The following SLX4 variants were observed in gnomAD, a reference collection of about 807,000 sequenced individuals.
SLX4 encodes the protein SLX4 structure-specific endonuclease subunit, also known as structure-specific endonuclease subunit SLX4.
SLX4 carries 112 observed loss-of-function variants against 146.2 expected under a neutral mutation model. The observed-to-expected ratio is 0.77, with a 90% CI of 0.66 to 0.90. The LOEUF (loss-of-function observed/expected upper bound fraction) is 0.90, where lower values mean the gene tolerates loss of function less well. Ranked by LOEUF, SLX4 falls within the 40% of genes least tolerant of loss-of-function variation. The pLI is 0.00. For missense variants in SLX4, 2,563 were observed against 2,392.7 expected (o/e 1.07, Z -1.49); for synonymous variants, 1,061 against 997.7 (o/e 1.06, Z -1.20).
intron 11 of SLX4, among the ~76,000 whole-genome samples, chr16:3,591,546 C>G (rs1250442735): frequency 6.6e-6 from 1 of 152,156 alleles, no homozygotes; most frequent in Non-Finnish European, 1.5e-5. Context: ...TAGCTGCAGA[C>G]ATAAAGGGGT....
Position 3,584,812 on chromosome 16 carries a change from A to T in SLX4, c.4696T>A (p.Tyr1566Asn). 1 of 1,614,152 alleles carries T rather than the reference A, an allele frequency of 6.2e-7. No individual in the cohort carries two copies. The highest frequency in any genetic ancestry group is 8.5e-7 in the Non-Finnish European group (1 of 1,179,980). ...AGCACCGGCGTCTCCATAATGGAAT[A>T]CTGTGGCATCGGCGTTATGGGCACT... is the stretch of plus-strand genomic sequence containing the variant. ...PKVPITPMPQ[Y>N]SIMETPVLKK... Residue 1566 changes from tyrosine to asparagine, a missense_variant, in exon 13 of 15, where the codon TAT becomes AAT. Tyr to Asn is a moderately radical substitution (Grantham distance 143). Transcript: ENST00000294008.
At position 3,589,845 on chromosome 16, in the gene SLX4, T is replaced by C; in HGVS notation, c.3793A>G (p.Arg1265Gly). 6.2e-7 allele frequency: 1 copy of C among 1,613,516 alleles called. No homozygotes were observed. Among genetic ancestry groups the C allele is most frequent in the Non-Finnish European group, 8.5e-7 (1 of 1,180,016 alleles). ...WLVPATPLAS[R>G]SRDCSSQTQI... is the part of the protein sequence containing the mutation. ...GTCTGGGAAGAACAGTCACGGCTTC[T>C]GCTGGCCAGCGGGGTGGCGGGCACC... The change falls in exon 12 of 15, where the codon AGA becomes GGA. Residue 1265 changes from arginine to glycine, a missense_variant. By Grantham distance (125) the Arg-to-Gly change is moderately radical. Transcript: ENST00000294008. This position sits in a 1 kb window ranked among gnomAD's most constrained non-coding sequence, Gnocchi z 6.2.
In SLX4 at chr16:3,582,082, G is replaced by T; in HGVS notation, c.*260C>A. The stretch of plus-strand genomic sequence containing the variant: ...AGAAAACCAAAAAGGGAGACACACT[G>T]TGAGCACGGACAGAGGAAGGGGCTG... On this transcript the variant is annotated 3_prime_UTR_variant, in exon 15 of 15. Coordinates refer to ENST00000294008, the MANE Select transcript of SLX4 (RefSeq NM_032444.4). 1.8e-6 allele frequency: 1 copy of T among 564,732 alleles called. No homozygotes were observed. The allele number at this position is 564,732 out of a possible 1,614,324, so 35.0% of individuals were successfully genotyped here.
Position 3,606,526 on chromosome 16 carries a change from C to G in SLX4, c.708G>C (p.Ala236=), listed in dbSNP as rs765742613. ...HASEECSLEA[A]REENVPKDPQ... Reference sequence around the variant, plus strand: ...GATCCTTTGGGACATTTTCTTCCCGCGCAGCCTCGAGGGAGCACTCTTCTG... The same window carrying G: ...GATCCTTTGGGACATTTTCTTCCCGGGCAGCCTCGAGGGAGCACTCTTCTG... Residue 236 remains alanine, a synonymous_variant, in exon 3 of 15, where the codon GCG becomes GCC. Coordinates refer to ENST00000294008, the MANE Select transcript of SLX4 (RefSeq NM_032444.4). 6.2e-7 allele frequency: 1 copy of G among 1,614,212 alleles called. No homozygotes were observed. The highest frequency in any genetic ancestry group is 1.7e-5 in the Admixed American group (1 of 60,022).
intron 12 of SLX4, among the ~76,000 whole-genome samples, chr16:3,588,706 C>T (rs1006840635): frequency 6.6e-6 from 1 of 152,144 alleles, no homozygotes; most frequent in Non-Finnish European, 1.5e-5. Flanking sequence ...TTGGAGGTGC[C>T]GGCTCCGTGT....
chr16:3,581,463 C>G lies in SLX4; in HGVS notation c.*879G>C, dbSNP rs1030929863. 1.3e-5 allele frequency: 2 copies of G among 152,954 alleles called. No homozygotes were observed. Among genetic ancestry groups the G allele is most frequent in the Non-Finnish European group, 2.9e-5 (2 of 68,296 alleles). 9.5% of individuals were successfully genotyped at this position (152,954 alleles called of 1,614,324 possible). ...AACAATGACAAGTGTCCGGGTAGCA[C>G]GGCTGGGTCAGGAGAACTGCATCTG... On this transcript the variant is annotated 3_prime_UTR_variant, in exon 15 of 15. Transcript: ENST00000294008.
chr16:3,588,437 A>G (rs2040533290), intron 12 of SLX4, among the ~76,000 whole-genome samples: 1 of 151,912 alleles, frequency 6.6e-6, no homozygotes, highest in South Asian at 2.1e-4. Flanking sequence ...ACACTATTCC[A>G]TTTTCTAGTG....
chr16:3,597,900 C>T lies in SLX4; in HGVS notation c.1263G>A (p.Leu421=). 6.2e-7 allele frequency: 1 copy of T among 1,614,158 alleles called. No homozygotes were observed. Among genetic ancestry groups the T allele is most frequent in the Non-Finnish European group, 8.5e-7 (1 of 1,180,042 alleles). ...ACCGGGACAGAGCCATGGCCACCAG[C>T]AGGTCCTCGGACGGTGCCTCGTCCA... The part of the protein sequence containing the change: ...RKVDEAPSED[L]LVAMALSRSE... The change falls in exon 6 of 15, where the codon CTG becomes CTA. Residue 421 remains leucine, a synonymous_variant. Transcript: ENST00000294008. The surrounding 1 kb of genome is among the most constrained non-coding windows in gnomAD (Gnocchi z 4.4).
Position 3,589,914 on chromosome 16 carries a change from C to T in SLX4, c.3724G>A (p.Glu1242Lys), listed in dbSNP as rs770687847. The change falls in exon 12 of 15, where the codon GAG becomes AAG. Residue 1242 changes from glutamate to lysine, a missense_variant. By Grantham distance (56) the Glu-to-Lys change is moderately conservative (BLOSUM62 1). Transcript: ENST00000294008. This position sits in a 1 kb window ranked among gnomAD's most constrained non-coding sequence, Gnocchi z 6.2. ...GTGCTGGCCTCGCTGGGGCTGCTCTCACGGTCACAGAACAGCCAGGGAGCC... is the reference window on the plus strand; with the variant it reads ...GTGCTGGCCTCGCTGGGGCTGCTCTTACGGTCACAGAACAGCCAGGGAGCC... ...RGAPWLFCDR[E>K]SSPSEASTTD... 1.9e-6 allele frequency: 3 copies of T among 1,613,818 alleles called. No homozygotes were observed. The African/African-American group carries it at 4.0e-5, about 22-fold the overall frequency.
rs886051987 is a variant in SLX4 at position 3,611,552 on chromosome 16, C to T, written c.-603+8G>A. On this transcript the variant is annotated splice_region_variant and intron_variant, in intron 1 of 14. Coordinates refer to ENST00000294008, the MANE Select transcript of SLX4 (RefSeq NM_032444.4). ...CGACTCCCAGCCCCACAGCCCGGCT[C>T]CTCCTACCTCCGGCGCCGCCGCGGC... The T allele has an allele frequency of 1.3e-5, 2 of 152,570 alleles. No homozygotes were observed. Among genetic ancestry groups the T allele is most frequent in the Non-Finnish European group, 2.9e-5 (2 of 68,342 alleles). The allele number at this position is 152,570 out of a possible 1,614,324, so 9.5% of individuals were successfully genotyped here. A position where few individuals can be genotyped will look rare whatever the true frequency, so the allele number is the denominator to read the frequency against.
Position 3,582,607 on chromosome 16 carries a change from A to G in SLX4, c.5240T>C (p.Val1747Ala). ...EGEVSASQAA[V>A]QAADTDEALR... is the part of the protein sequence containing the mutation. ...CGCCTCGTCTGTGTCCGCCGCCTGCACGGCTGCCTGCGAGGCACTGACCTC... is the reference window on the plus strand; with the variant it reads ...CGCCTCGTCTGTGTCCGCCGCCTGCGCGGCTGCCTGCGAGGCACTGACCTC... The change falls in exon 15 of 15, where the codon GTG becomes GCG. Residue 1747 changes from valine to alanine, a missense_variant. Physicochemically the swap from Val to Ala is moderately conservative, Grantham distance 64. Coordinates refer to ENST00000294008, the MANE Select transcript of SLX4 (RefSeq NM_032444.4). 6.2e-7 allele frequency: 1 copy of G among 1,613,584 alleles called. No individual in the cohort carries two copies. The highest frequency in any genetic ancestry group is 8.5e-7 in the Non-Finnish European group (1 of 1,180,030).
Position 3,597,478 on chromosome 16 carries a change from G to C in SLX4, c.1584C>G (p.Ser528Arg), listed in dbSNP as rs139865448. 9.1e-5 allele frequency: 147 copies of C among 1,613,970 alleles called. No homozygotes were observed. In the African/African-American group the frequency reaches 1.4e-3, roughly 15 times the overall value. ...TCAGTGCGCTGCCCTCCCACAGAAA[G>C]CTCTGCTTGCGTTCAGGTGGAGGAG... ...QCPPPPERKQ[S>R]FLWEGSALTG... Residue 528 changes from serine (S) to arginine (R), a missense_variant, in exon 7 of 15, where the codon AGC (serine) becomes AGG (arginine). Coordinates refer to ENST00000294008, the MANE Select transcript of SLX4 (RefSeq NM_032444.4). This position sits in a 1 kb window ranked among gnomAD's most constrained non-coding sequence, Gnocchi z 4.4.
At chr16:3,584,112 A>G (rs547488254) in intron 13 of SLX4, among the ~76,000 whole-genome samples, 8 of 151,914 alleles carry the variant, frequency 5.3e-5, no homozygotes, top group African/African-American at 1.9e-4. Context: ...TGTGAGAGTT[A>G]AATGTTCTTT....
intron 8 of SLX4, 141 bp from the exon 9 acceptor site, chr16:3,595,834 G>C (rs1399005230): frequency 2.0e-6 from 2 of 1,004,542 alleles, no homozygotes; most frequent in Non-Finnish European, 1.5e-6. Flanking sequence ...TTCATGCAAA[G>C]CAAACCCGCA....
intron 3 of SLX4, among the ~76,000 whole-genome samples, chr16:3,606,012 C>A (rs540391564): frequency 6.8e-6 from 1 of 147,416 alleles, no homozygotes; most frequent in South Asian, 2.1e-4. Flanking sequence ...GTAATCCCAG[C>A]ACTTTGGGGA....
chr16:3,583,436 G>A lies in SLX4; in HGVS notation c.4814C>T (p.Thr1605Ile), dbSNP rs1444350894. 1.9e-6 allele frequency: 3 copies of A among 1,614,054 alleles called. No individual in the cohort carries two copies. The highest frequency in any genetic ancestry group is 2.7e-5 in the African/African-American group (2 of 74,918). The change falls in exon 14 of 15, where the codon ACC becomes ATC. Residue 1605 changes from threonine (T) to isoleucine (I), a missense_variant. Transcript: ENST00000294008. The stretch of plus-strand genomic sequence containing the variant: ...CTCGTCCTCGGAGTCTGAGTCCAGG[G>A]TCTGGTGAGTGTACTGGAATATCTC... ...LKEIFQYTHQ[T>I]LDSDSEDESQ...
rs2040595336 is a variant in SLX4, at chr16:3,591,431, T to A, written c.2328-121A>T. ...GGAGGAATGACCATGACCCAGGCCC[T>A]GCTTCCCTTTGAAGACGGTGTCCAC... is the stretch of plus-strand genomic sequence containing the variant. On this transcript the variant is annotated intron_variant, in intron 11 of 14. Transcript: ENST00000294008. 3 of 1,418,022 alleles carry A rather than the reference T, an allele frequency of 2.1e-6. No individual in the cohort carries two copies. The South Asian group carries it at 3.7e-5, about 17-fold the overall frequency. 87.8% of individuals were successfully genotyped at this position (1,418,022 alleles called of 1,614,324 possible).
At chr16:3,585,449 G>A (rs909272749) in intron 12 of SLX4, among the ~76,000 whole-genome samples, 3 of 151,976 alleles carry the variant, frequency 2.0e-5, no homozygotes, top group African/African-American at 4.8e-5. Flanking sequence ...AGCTGGGCGT[G>A]GTGGCGGGCG....
At chr16:3,600,233 G>A (rs796877542) in intron 5 of SLX4, among the ~76,000 whole-genome samples, 5 of 152,288 alleles carry the variant, frequency 3.3e-5, no homozygotes, top group African/African-American at 1.2e-4. Context: ...TGCCACCACT[G>A]ATCTGACAGG....
Sources: allele counts gnomAD v4.1 joint callset (sites outside exome capture counted in the v4.1 genomes callset), GRCh38; gene constraint gnomAD v4.1.1; non-coding constraint Gnocchi (gnomAD v3.1); transcripts MANE v1.5; gene names NCBI Gene and HGNC (gene_info 2026-07-23, HGNC 2026-07-21).